COPG2: variants seen among roughly 807,000 people sequenced by gnomAD.
The protein encoded by COPG2 is coat protein complex I subunit gamma 2.
In COPG2, 37 loss-of-function variants were observed where a neutral mutation model predicts 46.3. The ratio of observed to expected loss-of-function variants is 0.80; its 90% CI spans 0.61 to 1.05. COPG2 has a LOEUF of 1.05. Among genes scored for constraint, COPG2 ranks in the 50% least tolerant of loss-of-function variants. COPG2 has a pLI of 0.00. For missense variants in COPG2, 427 were observed against 387.8 expected, an observed-to-expected ratio of 1.10 and a Z score of -0.85; for synonymous variants, 159 against 129.7, an observed-to-expected ratio of 1.23 and a Z score of -1.53.
At chr7:130,654,829 GTTTT>G (rs1199304489) in intron 4 of COPG2, among the ~76,000 whole-genome samples, 2 of 118,966 alleles carry the variant, frequency 1.7e-5, no homozygotes, top group African/African-American at 4.9e-5. Context: ...ATGACCCTGG[GTTTT>G]TTTGTTTGTT....
intron 20 of COPG2, among the ~76,000 whole-genome samples, chr7:130,531,940 A>G (rs986206818): frequency 7.9e-5 from 12 of 152,176 alleles, no homozygotes; most frequent in African/African-American, 2.9e-4. Flanking sequence ...AGAAAAAGTA[A>G]GGGAAAAAAT....
At chr7:130,509,734 A>C (rs782427655) in intron 20 of COPG2, 1 of 515,532 alleles carries the variant, frequency 1.9e-6, no homozygotes, top group African/African-American at 2.1e-5. Flanking sequence ...TCTAGGAGTT[A>C]AATAAGTGTG....
chr7:130,568,089 C>A (rs1302181813), intron 9 of COPG2, among the ~76,000 whole-genome samples: 2 of 151,956 alleles, frequency 1.3e-5, no homozygotes, highest in African/African-American at 4.8e-5. Context: ...CCAGCCTGGC[C>A]AACATGGTGA....
At chr7:130,577,709 C>T (rs1358361588) in intron 9 of COPG2, among the ~76,000 whole-genome samples, 2 of 146,580 alleles carry the variant, frequency 1.4e-5, no homozygotes, top group South Asian at 2.1e-4. Context: ...TGCAGTGAGC[C>T]GAGATTGCGC....
intron 20 of COPG2, among the ~76,000 whole-genome samples, chr7:130,531,129 G>C (rs1405688328): frequency 7.4e-6 from 1 of 135,182 alleles, no homozygotes; most frequent in Non-Finnish European, 1.6e-5. Flanking sequence ...GGGTTGCATG[G>C]GAGGGCAGGG....
At chr7:130,588,726 G>A (rs36177883) in intron 9 of COPG2, among the ~76,000 whole-genome samples, 51,708 of 151,840 alleles carry the variant, frequency 0.34, 9,937 homozygotes, top group African/African-American at 0.52. Context: ...CAGCACACCA[G>A]CATGGCACAT....
intron 5 of COPG2, among the ~76,000 whole-genome samples, chr7:130,631,067 G>T (rs1382136091): frequency 4.6e-5 from 7 of 152,030 alleles, no homozygotes; most frequent in African/African-American, 1.5e-4. Flanking sequence ...GTTTAGAATA[G>T]GTGCCTTTAA....
chr7:130,590,527 G>C (rs1794379555), intron 9 of COPG2, among the ~76,000 whole-genome samples: 1 of 152,154 alleles, frequency 6.6e-6, no homozygotes, highest in Admixed American at 6.5e-5. Context: ...CGAGGTGCCG[G>C]GATGGCAGAC....
intron 19 of COPG2, 107 bp from the exon 20 acceptor site, chr7:130,547,952 G>C (rs1237271112): frequency 2.5e-6 from 1 of 397,566 alleles, no homozygotes; most frequent in Middle Eastern, 6.2e-4. Context: ...TCTCTACAGA[G>C]CAGGGTAGGT....
At chr7:130,660,870 T>C (rs1795963658) in intron 4 of COPG2, among the ~76,000 whole-genome samples, 1 of 152,202 alleles carries the variant, frequency 6.6e-6, no homozygotes, top group African/African-American at 2.4e-5. Flanking sequence ...TACCAACTTT[T>C]TGCTGTCCCT....
intron 20 of COPG2, among the ~76,000 whole-genome samples, chr7:130,517,445 T>G (rs1799688678): frequency 6.6e-6 from 1 of 152,178 alleles, no homozygotes; most frequent in Non-Finnish European, 1.5e-5. Flanking sequence ...GAAATGGGAA[T>G]TAGTAGATTA....
intron 4 of COPG2, among the ~76,000 whole-genome samples, chr7:130,656,473 C>G (rs937558101): frequency 6.6e-5 from 10 of 152,080 alleles, no homozygotes; most frequent in Non-Finnish European, 1.3e-4. Flanking sequence ...AACTGAAATT[C>G]CTTGAAAGAT....
At chr7:130,508,169 T>C (rs1467043651) in intron 21 of COPG2, 2 of 255,560 alleles carry the variant, frequency 7.8e-6, no homozygotes, top group Non-Finnish European at 1.5e-5. Context: ...GTGAAGGCTT[T>C]TTAATCCATG....
At chr7:130,559,681 C>CAAG (rs1227016418) in intron 12 of COPG2, among the ~76,000 whole-genome samples, 2 of 152,124 alleles carry the variant, frequency 1.3e-5, no homozygotes. Context: ...AAATCAAAGC[C>CAAG]AAGGTATCTT....
chr7:130,608,118 T>C (rs1794771885), intron 9 of COPG2: 1 of 377,782 alleles, frequency 2.6e-6, no homozygotes, highest in Non-Finnish European at 5.2e-6. Flanking sequence ...CTATATGTTT[T>C]ACAAAGATTT....
At chr7:130,522,892 TG>T (rs1799735984) in intron 20 of COPG2, among the ~76,000 whole-genome samples, 1 of 150,100 alleles carries the variant, frequency 6.7e-6, no homozygotes, top group Admixed American at 6.6e-5. Context: ...CCAAGGTGGG[TG>T]GATCGCTTGA....
At chr7:130,626,354 C>A (rs117250571) in intron 5 of COPG2, among the ~76,000 whole-genome samples, 1,740 of 151,640 alleles carry the variant, frequency 0.011, 23 homozygotes, top group South Asian at 0.019. Flanking sequence ...TCCCCTCGGG[C>A]CAGAGAGATG....
chr7:130,589,281 CTTTTT>C (rs782136713), intron 9 of COPG2, among the ~76,000 whole-genome samples: 1 of 145,294 alleles, frequency 6.9e-6, no homozygotes, highest in Non-Finnish European at 1.5e-5. Flanking sequence ...TACAGGTTTA[CTTTTT>C]TTTTTTTTAA....
intron 6 of COPG2, 104 bp downstream of exon 6, chr7:130,616,886 T>C: frequency 1.5e-6 from 1 of 684,246 alleles, no homozygotes; most frequent in Non-Finnish European, 2.5e-6. Context: ...TCTCTTATAC[T>C]GAAAATTCAC....
Sources: allele counts gnomAD v4.1 joint callset (sites outside exome capture counted in the v4.1 genomes callset), GRCh38; gene constraint gnomAD v4.1.1; transcripts MANE v1.5; gene names NCBI Gene and HGNC (gene_info 2026-07-23, HGNC 2026-07-21).